Variants in XKR7 observed in about 807,000 individuals in gnomAD.
XKR7 encodes the protein XK related 7.
A neutral mutation model predicts 42.2 loss-of-function variants in XKR7; 11 were observed. That is an observed-to-expected ratio of 0.26 (90% CI 0.16 to 0.43). The LOEUF is 0.43. XKR7 is among the 20% of genes least tolerant of loss of function. The pLI is 1.00. For synonymous variants in XKR7, 346 were observed against 366.4 expected, an observed-to-expected ratio of 0.94 and a Z score of 0.64; for missense variants, 710 against 802.2, an observed-to-expected ratio of 0.89 and a Z score of 1.39.
intron 1 of XKR7, among the ~76,000 whole-genome samples, chr20:31,982,688 T>C (rs1050373311): frequency 6.6e-6 from 1 of 152,166 alleles, no homozygotes; most frequent in East Asian, 1.9e-4. Context: ...GTGGTAGTTA[T>C]TTTCTGGGGG....
Position 31,995,382 on chromosome 20 carries a change from A to G in XKR7, c.787+112A>G. On this transcript the variant is annotated intron_variant, in intron 2 of 2. Coordinates refer to ENST00000562532, the MANE Select transcript of XKR7 (RefSeq NM_001011718.2). This position sits in a 1 kb window ranked among gnomAD's most constrained non-coding sequence, Gnocchi z 4.1. ...GCTTCCCCACCCCAGCTCAGGGCTCACTCAGTCAGGGTTTAGGGAGGCCTG... is the reference window on the plus strand; with the variant it reads ...GCTTCCCCACCCCAGCTCAGGGCTCGCTCAGTCAGGGTTTAGGGAGGCCTG... 6.7e-7 allele frequency: 1 copy of G among 1,492,988 alleles called. No individual in the cohort carries two copies. The highest frequency in any genetic ancestry group is 1.3e-5 in the South Asian group (1 of 79,318). 92.5% of individuals were successfully genotyped at this position (1,492,988 alleles called of 1,614,324 possible).
chr20:31,969,788 G>A (rs2064455950), intron 1 of XKR7, among the ~76,000 whole-genome samples: 1 of 152,198 alleles, frequency 6.6e-6, no homozygotes, highest in African/African-American at 2.4e-5. Flanking sequence ...AGGTCTGCAT[G>A]AGGGCCCTGC....
At chr20:31,987,435 CACAG>C (rs199572464) in intron 1 of XKR7, among the ~76,000 whole-genome samples, 1 of 147,044 alleles carries the variant, frequency 6.8e-6, no homozygotes, top group African/African-American at 2.6e-5. Flanking sequence ...GCATCCAAGA[CACAG>C]ACAGACAGAC....
At chr20:31,991,094 C>A (rs1255407136) in intron 1 of XKR7, among the ~76,000 whole-genome samples, 1 of 152,158 alleles carries the variant, frequency 6.6e-6, no homozygotes, top group African/African-American at 2.4e-5. Context: ...GAGGAGGGGG[C>A]AGGAGTGGGC....
Position 31,995,204 on chromosome 20 carries a change from G to T in XKR7, c.721G>T (p.Ala241Ser), listed in dbSNP as rs1380450445. The T allele has an allele frequency of 3.2e-6, 5 of 1,546,334 alleles. No individual in the cohort carries two copies. The Admixed American group carries it at 9.8e-5, about 30-fold the overall frequency. Residue 241 changes from alanine to serine, a missense_variant, in exon 2 of 3, where the codon GCG (alanine) becomes TCG (serine). By Grantham distance (99) the Ala-to-Ser change is moderately conservative. Around this residue, in one of 2 missense-constraint regions of XKR7, gnomAD observed 708 missense variants for 786.2 expected, o/e 0.90. Coordinates refer to ENST00000562532, the MANE Select transcript of XKR7 (RefSeq NM_001011718.2). The surrounding 1 kb of genome is among the most constrained non-coding windows in gnomAD (Gnocchi z 4.1). ...CTTGCTGGAGACCTTCCTGCGCAGC[G>T]CGCCGCAGCTAGTGCTGCAGCTCAG... ...LRLLETFLRSAPQLVLQLSLL... is the reference protein window; with the variant it reads ...LRLLETFLRSSPQLVLQLSLL...
At chr20:31,988,834 G>T (rs1282609262) in intron 1 of XKR7, among the ~76,000 whole-genome samples, 1 of 152,150 alleles carries the variant, frequency 6.6e-6, no homozygotes, top group Non-Finnish European at 1.5e-5. Flanking sequence ...AGCCTGTGAG[G>T]TGTCCTGGCT....
chr20:31,991,179 G>A (rs1415568126), intron 1 of XKR7, among the ~76,000 whole-genome samples: 4 of 152,170 alleles, frequency 2.6e-5, no homozygotes, highest in African/African-American at 7.2e-5. Context: ...ATGCTGACCC[G>A]GGCCCGGAAA....
rs149804049 is a variant in XKR7 at position 31,987,618 on chromosome 20, C to G, written c.585-7450C>G. The stretch of plus-strand genomic sequence containing the variant: ...AGACACACAGACCTCCAAGAGGACC[C>G]AGTATTAAGACACAGACAGACAGAC... On this transcript the variant is annotated intron_variant, in intron 1 of 2. Coordinates refer to ENST00000562532, the MANE Select transcript of XKR7 (RefSeq NM_001011718.2). 2.7e-3 allele frequency among the ~76,000 whole-genome samples: 401 copies of G among 151,084 alleles called. 1 individual carries two copies. The highest frequency in any genetic ancestry group is 8.8e-3 in the African/African-American group (360 of 41,112).
intron 1 of XKR7, among the ~76,000 whole-genome samples, chr20:31,978,256 C>A (rs1568881862): frequency 1.3e-5 from 2 of 152,172 alleles, no homozygotes; most frequent in Admixed American, 6.5e-5. Context: ...CAGGTACACA[C>A]CACCATGCCC....
chr20:31,990,434 C>T (rs1432725598), intron 1 of XKR7, among the ~76,000 whole-genome samples: 2 of 152,200 alleles, frequency 1.3e-5, no homozygotes, highest in Non-Finnish European at 2.9e-5. Context: ...GGCTGGGAAT[C>T]AAACCCACAT....
chr20:31,984,261 C>CAAA (rs58935647), intron 1 of XKR7, among the ~76,000 whole-genome samples: 18 of 146,538 alleles, frequency 1.2e-4, no homozygotes, highest in African/African-American at 4.5e-4. Flanking sequence ...GACTCCATTT[C>CAAA]AAAAAAAAAA....
chr20:31,996,268 C>A (rs913241279), intron 2 of XKR7, among the ~76,000 whole-genome samples: 1 of 151,890 alleles, frequency 6.6e-6, no homozygotes, highest in African/African-American at 2.4e-5. Context: ...ATCTTCGTCT[C>A]CCTTTATGCT....
At chr20:31,983,982 G>T (rs1356664126) in intron 1 of XKR7, among the ~76,000 whole-genome samples, 1 of 149,350 alleles carries the variant, frequency 6.7e-6, no homozygotes, top group Non-Finnish European at 1.5e-5. Flanking sequence ...AATAAATAGC[G>T]GGGAGTGGAC....
chr20:31,996,285 C>T (rs1170348672), intron 2 of XKR7, among the ~76,000 whole-genome samples: 1 of 151,962 alleles, frequency 6.6e-6, no homozygotes, highest in East Asian at 1.9e-4. Context: ...TGCTCCCACC[C>T]TACAGAAGTA....
chr20:31,996,953 C>A lies in XKR7; in HGVS notation c.1236C>A (p.Phe412Leu). 1 of 1,614,154 alleles carries A rather than the reference C, an allele frequency of 6.2e-7. No homozygotes were observed. Among genetic ancestry groups the A allele is most frequent in the Non-Finnish European group, 8.5e-7 (1 of 1,180,042 alleles). Residue 412 changes from phenylalanine (F) to leucine (L), a missense_variant, in exon 3 of 3, where the codon TTC (phenylalanine) becomes TTA (leucine). By Grantham distance (22) the Phe-to-Leu change is conservative. Transcript: ENST00000562532. ...CCAGCCGCAACTTCTCAACCGACTTCTACTCGCTCATCATGGTCTGCGTAG... is the reference window on the plus strand; with the variant it reads ...CCAGCCGCAACTTCTCAACCGACTTATACTCGCTCATCATGGTCTGCGTAG... Reference protein sequence around the residue: ...WYSSRNFSTDFYSLIMVCVVA... With the variant: ...WYSSRNFSTDLYSLIMVCVVA...
rs1052188362 is a variant in XKR7, at chr20:32,001,134, C to T, written c.*3677C>T. ...TGCAGTCAACACCCTCCTAAGTACT[C>T]GAGTTCTGCAGGTTCTTCCCTTGGA... On this transcript the variant is annotated 3_prime_UTR_variant, in exon 3 of 3. Coordinates refer to ENST00000562532, the MANE Select transcript of XKR7 (RefSeq NM_001011718.2). 1.3e-5 allele frequency: 2 copies of T among 152,190 alleles called. No individual in the cohort carries two copies. Among genetic ancestry groups the T allele is most frequent in the Admixed American group, 6.5e-5 (1 of 15,282 alleles). 9.4% of individuals were successfully genotyped at this position (152,190 alleles called of 1,614,324 possible).
At chr20:31,994,904 C>G (rs1179737080) in intron 1 of XKR7, among the ~76,000 whole-genome samples, 164 bp from the exon 2 acceptor site, 22 of 152,350 alleles carry the variant, frequency 1.4e-4, no homozygotes, top group Non-Finnish European at 7.3e-5. Context: ...TCCTCAACAG[C>G]AGCCTCATAA....
chr20:31,990,257 C>G (rs1264798743), intron 1 of XKR7, among the ~76,000 whole-genome samples: 1 of 151,394 alleles, frequency 6.6e-6, no homozygotes, highest in South Asian at 2.1e-4. Context: ...TCTCAAACTC[C>G]CCGGTTCAAG....
chr20:31,994,818 C>T (rs2064583461), intron 1 of XKR7, among the ~76,000 whole-genome samples: 1 of 152,202 alleles, frequency 6.6e-6, no homozygotes, highest in South Asian at 2.1e-4. Flanking sequence ...GGAATAAGGG[C>T]GATACCGCTG....
Sources: gnomAD v4.1 joint callset for allele counts (sites outside exome capture counted in the v4.1 genomes callset) on GRCh38, gnomAD v4.1.1 for gene constraint, gnomAD v4.1.1 regional missense constraint, Gnocchi (gnomAD v3.1) non-coding constraint, MANE v1.5 for transcripts, NCBI Gene and HGNC (gene_info 2026-07-23, HGNC 2026-07-21) for gene names.